The following POLE variants were observed in gnomAD, a reference collection of about 807,000 sequenced individuals.
POLE encodes the protein DNA polymerase epsilon catalytic subunit A.
A neutral mutation model predicts 279.2 loss-of-function variants in POLE; 188 were observed. The ratio of observed to expected loss-of-function variants is 0.67; its 90% CI spans 0.60 to 0.76. The LOEUF (loss-of-function observed/expected upper bound fraction) is 0.76, where lower values mean the gene tolerates loss of function less well. POLE is among the 30% of genes least tolerant of loss of function. POLE has a pLI of 0.00. For missense variants in POLE, 2,703 were observed against 3,016.7 expected (o/e 0.90, Z 2.44); for synonymous variants, 1,214 against 1,172.5 (o/e 1.04, Z -0.72).
chr12:132,644,802 G>T (rs112896668), intron 32 of POLE, among the ~76,000 whole-genome samples: 11 of 74,388 alleles, frequency 1.5e-4, no homozygotes, highest in South Asian at 7.0e-4. Context: ...GGGGGTCTGG[G>T]AGAGCTGGAG....
Position 132,664,477 on chromosome 12 carries a change from CA to C in POLE, c.2469-16del. ...ACCAGCGAGCCCTGAGAGGACACCA[CA>C]AACTGGTGGGTGGGGCTGGCATGGC... On this transcript the variant is annotated splice_polypyrimidine_tract_variant and intron_variant, in intron 21 of 48. Transcript: ENST00000320574. This position sits in a 1 kb window ranked among gnomAD's most constrained non-coding sequence, Gnocchi z 5.3. The C allele has an allele frequency of 6.2e-7, 1 of 1,608,370 alleles. No homozygotes were observed. The highest frequency in any genetic ancestry group is 1.3e-5 in the African/African-American group (1 of 74,946).
rs993340577 is a variant in POLE, at chr12:132,679,528, C to T, written c.547G>A (p.Ala183Thr). 62 of 1,613,808 alleles carry T rather than the reference C, an allele frequency of 3.8e-5. No homozygotes were observed. Among genetic ancestry groups the T allele is most frequent in the Non-Finnish European group, 4.8e-5 (57 of 1,179,716 alleles). ...AGCAGAGCTGTGTACGCGTCGCTGG[C>T]GTGATCCTGCTCCCTGTTCTTCTTC... ...AVKKNREQDH[A>T]SDAYTALLSS... is the part of the protein sequence containing the mutation. Residue 183 changes from alanine to threonine, a missense_variant, in exon 6 of 49, where the codon GCC becomes ACC. Ala to Thr is a moderately conservative substitution (Grantham distance 58). Coordinates refer to ENST00000320574, the MANE Select transcript of POLE (RefSeq NM_006231.4).
rs929400701 is a variant in POLE, at chr12:132,624,509, C to G, written c.*188G>C. 2 of 607,128 alleles carry G rather than the reference C, an allele frequency of 3.3e-6. No homozygotes were observed. Among genetic ancestry groups the G allele is most frequent in the East Asian group, 5.5e-5 (2 of 36,332 alleles). The allele number at this position is 607,128 out of a possible 1,614,324, so 37.6% of individuals were successfully genotyped here. On this transcript the variant is annotated 3_prime_UTR_variant, in exon 49 of 49. Coordinates refer to ENST00000320574, the MANE Select transcript of POLE (RefSeq NM_006231.4). ...CGAGGCCAGGGCCACATCCTGCTCC[C>G]GCTCCCTCCTGTGACGTCTGAGCTC...
At chr12:132,651,630 G>C (rs982103419) in intron 29 of POLE, among the ~76,000 whole-genome samples, 1 of 152,238 alleles carries the variant, frequency 6.6e-6, no homozygotes, top group Non-Finnish European at 1.5e-5. Flanking sequence ...TTCCCTGAGT[G>C]GGGGTGGGAC....
At chr12:132,626,918 C>G (rs961472689) in intron 45 of POLE, among the ~76,000 whole-genome samples, 1 of 152,246 alleles carries the variant, frequency 6.6e-6, no homozygotes, top group Non-Finnish European at 1.5e-5. Context: ...GCAAATCACA[C>G]AAATTATTTG....
Position 132,674,392 on chromosome 12 carries a change from C to A in POLE, c.1227-685G>T, listed in dbSNP as rs767174695. On this transcript the variant is annotated intron_variant, in intron 12 of 48. Coordinates refer to ENST00000320574, the MANE Select transcript of POLE (RefSeq NM_006231.4). ...CTTTCACCAAGACCCACCCGCAACC[C>A]AGTGAGTCCCAATCTACAGTGCGAG... 6.4e-4 allele frequency among the ~76,000 whole-genome samples: 98 copies of A among 152,042 alleles called. 1 individual carries two copies. Among genetic ancestry groups the A allele is most frequent in the Non-Finnish European group, 2.1e-4 (14 of 68,012 alleles).
At chr12:132,629,902 C>T (rs546969571) in intron 45 of POLE, among the ~76,000 whole-genome samples, 9 of 152,288 alleles carry the variant, frequency 5.9e-5, no homozygotes, top group South Asian at 2.1e-4. Context: ...AAGTGAGAGA[C>T]GTGTGACTCT....
In POLE at chr12:132,638,138, G is replaced by C. The variant is rs2042072030; in HGVS notation, c.5554C>G (p.Leu1852Val). Residue 1852 changes from leucine (L) to valine (V), a missense_variant and splice_region_variant, in exon 41 of 49, where the codon CTC (leucine) becomes GTC (valine). Transcript: ENST00000320574. ...CCCAGGCGCTTGAACTCAGCGATGA[G>C]CCTGTGGAGCAAGTTGAGAGTCCGT... ...HNMMKKLFLQLIAEFKRLGSS... is the reference protein window; with the variant it reads ...HNMMKKLFLQVIAEFKRLGSS... 1.2e-6 allele frequency: 2 copies of C among 1,613,558 alleles called. No individual in the cohort carries two copies. Among genetic ancestry groups the C allele is most frequent in the Non-Finnish European group, 1.7e-6 (2 of 1,179,740 alleles).
intron 45 of POLE, 118 bp downstream of exon 45, chr12:132,632,197 C>T (rs1298678683): frequency 1.3e-6 from 1 of 767,398 alleles, no homozygotes; most frequent in Non-Finnish European, 2.2e-6. Context: ...TTATCTTGCA[C>T]ACATACGCTA....
chr12:132,686,336 C>T (rs11609235), intron 1 of POLE, among the ~76,000 whole-genome samples: 14 of 151,924 alleles, frequency 9.2e-5, no homozygotes, highest in African/African-American at 3.4e-4. Context: ...CGGCTCACAG[C>T]AGCCTTGACC....
chr12:132,667,140 G>A (rs1337535186), intron 20 of POLE, among the ~76,000 whole-genome samples: 8 of 152,286 alleles, frequency 5.3e-5, no homozygotes, highest in African/African-American at 1.2e-4. Context: ...AGGCCTTAGA[G>A]TTTCTAGGAA....
At chr12:132,682,302 AAATAAAT>A (rs1222279940) in intron 1 of POLE, among the ~76,000 whole-genome samples, 3 of 98,844 alleles carry the variant, frequency 3.0e-5, no homozygotes, top group African/African-American at 1.0e-4. Context: ...AAAAAAAAAA[AAATAAAT>A]AAAAATAAAT....
intron 40 of POLE, 92 bp from the exon 41 acceptor site, chr12:132,638,231 G>A (rs2042074355): frequency 8.0e-7 from 1 of 1,245,910 alleles, no homozygotes. Context: ...AAGAGCTGAG[G>A]GTCCTGAAGC....
chr12:132,677,472 G>T, intron 7 of POLE, 29 bp from the exon 8 acceptor site: 1 of 1,608,548 alleles, frequency 6.2e-7, no homozygotes, highest in Non-Finnish European at 8.5e-7. Context: ...GCTAACTAGA[G>T]TTCTACATCC....
chr12:132,646,230 C>T (rs2042280492), intron 32 of POLE, among the ~76,000 whole-genome samples: 1 of 152,120 alleles, frequency 6.6e-6, no homozygotes. Context: ...GTCACATGCA[C>T]ACAGTTACAG....
At position 132,632,708 on chromosome 12, in the gene POLE, C is replaced by A. The variant is rs1284062861; in HGVS notation, c.6092G>T (p.Ser2031Ile). 1 of 1,613,898 alleles carries A rather than the reference C, an allele frequency of 6.2e-7. No homozygotes were observed. Among genetic ancestry groups the A allele is most frequent in the South Asian group, 1.1e-5 (1 of 91,070 alleles). Residue 2031 changes from serine to isoleucine, a missense_variant, in exon 44 of 49, where the codon AGC becomes ATC. Ser to Ile is a moderately radical substitution (Grantham distance 142). Transcript: ENST00000320574. ...CCCCTCGGCCTCCTGGGAGAGCTGG[C>A]TGGCCCCCCTCCTCCTCACGGGGGT... ...GSTPVRRRGA[S>I]QLSQEAEGAV... is the part of the protein sequence containing the mutation.
rs770477076 is a variant in POLE at position 132,625,641 on chromosome 12, T to G, written c.6657+4A>C. On this transcript the variant is annotated splice_donor_region_variant and intron_variant, in intron 47 of 48. Coordinates refer to ENST00000320574, the MANE Select transcript of POLE (RefSeq NM_006231.4). The stretch of plus-strand genomic sequence containing the variant: ...CACACGGGCAGGCGGCATGCACGAC[T>G]CACCAGGTCCTGCAGGGTGAAGGCC... The G allele has an allele frequency of 6.2e-7, 1 of 1,613,316 alleles. No individual in the cohort carries two copies. Among genetic ancestry groups the G allele is most frequent in the Non-Finnish European group, 8.5e-7 (1 of 1,179,992 alleles).
chr12:132,632,168 CACAGGTATGT>C lies in POLE; in HGVS notation c.6330+137_6330+146del, dbSNP rs1312515878. 5.3e-5 allele frequency: 35 copies of C among 656,682 alleles called. No homozygotes were observed. In the East Asian group the frequency reaches 6.0e-4, roughly 11 times the overall value. The allele number at this position is 656,682 out of a possible 1,614,324, so 40.7% of individuals were successfully genotyped here. On this transcript the variant is annotated intron_variant, in intron 45 of 48. Transcript: ENST00000320574. ...TGCATTCATTAACATCCTTACCATG[CACAGGTATGT>C]CGGTGTCCTTATCTTGCACACATAC...
At chr12:132,632,826 G>C (rs1242337989) in intron 43 of POLE, 31 bp from the exon 44 acceptor site, 5 of 1,564,150 alleles carry the variant, frequency 3.2e-6, no homozygotes, top group Non-Finnish European at 4.3e-6. Flanking sequence ...CACAGGCCCT[G>C]AGTCGGGCTG....
Sources: gnomAD v4.1 joint callset for allele counts (sites outside exome capture counted in the v4.1 genomes callset) on GRCh38, gnomAD v4.1.1 for gene constraint, Gnocchi (gnomAD v3.1) non-coding constraint, MANE v1.5 for transcripts, NCBI Gene and HGNC (gene_info 2026-07-23, HGNC 2026-07-21) for gene names.